Variants in EIF4G3 observed in about 807,000 individuals in gnomAD.
EIF4G3 encodes the protein eukaryotic translation initiation factor 4 gamma 3.
Under a neutral mutation model 186.4 loss-of-function variants are expected in EIF4G3, and 34 were observed. That is an observed-to-expected ratio of 0.18 (90% CI 0.14 to 0.24). EIF4G3 has a LOEUF of 0.24. EIF4G3 is among the 10% of genes least tolerant of loss of function. EIF4G3 has a pLI of 1.00. For missense variants in EIF4G3, 1,536 were observed against 1,948.5 expected (o/e 0.79, Z 3.99); for synonymous variants, 673 against 679.5 (o/e 0.99, Z 0.15).
chr1:20,831,797 T>C (rs1454029912), intron 30 of EIF4G3, among the ~76,000 whole-genome samples: 421 of 101,980 alleles, frequency 4.1e-3, no homozygotes, highest in Non-Finnish European at 4.4e-3. Context: ...TGTGATATTC[T>C]CCTTCCTGTG....
intron 29 of EIF4G3, chr1:20,841,377 C>T (rs769426876): frequency 3.7e-4 from 59 of 159,954 alleles, no homozygotes; most frequent in Non-Finnish European, 7.1e-4. Flanking sequence ...TTTTATTAAA[C>T]ATCACTCAAA....
At chr1:20,868,793 T>C (rs1296195575) in intron 20 of EIF4G3, among the ~76,000 whole-genome samples, 2 of 152,190 alleles carry the variant, frequency 1.3e-5, no homozygotes, top group South Asian at 2.1e-4. Context: ...GAAGGCTGCT[T>C]GATAAGCTGA....
chr1:20,896,012 G>T (rs1327804984), intron 16 of EIF4G3, among the ~76,000 whole-genome samples: 1 of 152,126 alleles, frequency 6.6e-6, no homozygotes, highest in Non-Finnish European at 1.5e-5. Context: ...AATGAGACAA[G>T]ATCTGGAAGT....
At chr1:21,004,182 A>G (rs997951978) in intron 4 of EIF4G3, among the ~76,000 whole-genome samples, 1 of 152,354 alleles carries the variant, frequency 6.6e-6, no homozygotes, top group East Asian at 1.9e-4. Context: ...CAAAGCTTAC[A>G]TACCTTAATC....
chr1:21,039,875 A>G (rs2093461843), intron 4 of EIF4G3, among the ~76,000 whole-genome samples: 2 of 152,256 alleles, frequency 1.3e-5, no homozygotes, highest in African/African-American at 4.8e-5. Flanking sequence ...TTCTCCAAAA[A>G]TAGACAAATG....
rs201498887 is a variant in EIF4G3 at position 20,959,521 on chromosome 1, C to T, written c.715-9410G>A. ...GACCCCAAAGCAAATGCAACAAAAA[C>T]GCAAATAAATAGAACCTAATTAAAC... On this transcript the variant is annotated intron_variant, in intron 12 of 36. Transcript: ENST00000602326. 7.2e-5 allele frequency among the ~76,000 whole-genome samples: 11 copies of T among 151,796 alleles called. No individual in the cohort carries two copies. In the East Asian group the frequency reaches 1.2e-3, roughly 16 times the overall value.
At position 20,927,046 on chromosome 1, in the gene EIF4G3, CT is replaced by C. The variant is rs757963098; in HGVS notation, c.1663+14444del. Among the ~76,000 whole-genome samples, 983 of 139,184 alleles carry C rather than the reference CT, an allele frequency of 7.1e-3. 6 individuals are homozygous for C. The highest frequency in any genetic ancestry group is 0.016 in the African/African-American group (627 of 38,234). The allele number at this position is 139,184 out of a possible 152,430, so 91.3% of individuals were successfully genotyped here. A position where few individuals can be genotyped will look rare whatever the true frequency, so the allele number is the denominator to read the frequency against. ...TCATATTGAAAAATTGAAAAAAATACTTTTTTTTTTTTTTTTTGAGGTGGAG... is the reference window on the plus strand; with the variant it reads ...TCATATTGAAAAATTGAAAAAAATACTTTTTTTTTTTTTTTTGAGGTGGAG... On this transcript the variant is annotated intron_variant, in intron 14 of 36. Coordinates refer to ENST00000602326, the MANE Select transcript of EIF4G3 (RefSeq NM_001391906.1).
intron 4 of EIF4G3, among the ~76,000 whole-genome samples, chr1:21,019,881 T>TCAAAACAAAA (rs898734115): frequency 6.6e-6 from 1 of 151,966 alleles, no homozygotes; most frequent in South Asian, 2.1e-4. Context: ...AGACGCCGTC[T>TCAAAACAAAA]CAAAACAAAA....
chr1:20,839,909 C>CAA (rs58331252), intron 30 of EIF4G3, among the ~76,000 whole-genome samples: 5,087 of 125,794 alleles, frequency 0.04, 267 homozygotes, highest in African/African-American at 0.12. Context: ...ATGAGCTTGG[C>CAA]AAAAAAAAAA....
intron 4 of EIF4G3, among the ~76,000 whole-genome samples, chr1:21,044,650 T>A (rs944778262): frequency 6.8e-6 from 1 of 146,444 alleles, no homozygotes; most frequent in Non-Finnish European, 1.5e-5. Flanking sequence ...TTTTTTTTTG[T>A]TTTTTTTTTT....
At chr1:21,047,436 C>T (rs1440392194) in intron 4 of EIF4G3, among the ~76,000 whole-genome samples, 2 of 152,224 alleles carry the variant, frequency 1.3e-5, no homozygotes, top group South Asian at 2.1e-4. Context: ...TTTGTTCACA[C>T]TGAAGTCTCA....
intron 33 of EIF4G3, among the ~76,000 whole-genome samples, chr1:20,820,364 C>T (rs1019936244): frequency 2.0e-5 from 3 of 152,198 alleles, no homozygotes; most frequent in Non-Finnish European, 4.4e-5. Flanking sequence ...AGCACCTGGG[C>T]GTCTCTGCAG....
At chr1:21,070,518 C>G (rs999837476) in intron 3 of EIF4G3, among the ~76,000 whole-genome samples, 4 of 152,170 alleles carry the variant, frequency 2.6e-5, no homozygotes, top group Non-Finnish European at 4.4e-5. Context: ...AACATACCTA[C>G]TTCATTCTTG....
chr1:20,830,844 C>T (rs1347308943), intron 30 of EIF4G3, among the ~76,000 whole-genome samples: 1 of 151,966 alleles, frequency 6.6e-6, no homozygotes, highest in Non-Finnish European at 1.5e-5. Context: ...TAGAACAAGC[C>T]TGTAAGAAGC....
In EIF4G3 at chr1:20,839,644, G is replaced by A. The variant is rs187829103; in HGVS notation, c.4061+1212C>T. On this transcript the variant is annotated intron_variant, in intron 30 of 36. Coordinates refer to ENST00000602326, the MANE Select transcript of EIF4G3 (RefSeq NM_001391906.1). The stretch of plus-strand genomic sequence containing the variant: ...CAAGTAGCTGGGATTGCAGGCTCAC[G>A]CCACCACGTTGGGCTAATTTTTGTA... Among the ~76,000 whole-genome samples the A allele has an allele frequency of 3.5e-4, 53 of 152,132 alleles. 1 individual carries two copies. In the Middle Eastern group the frequency reaches 0.01, roughly 29 times the overall value.
chr1:21,097,525 A>T (rs945206457), intron 2 of EIF4G3, among the ~76,000 whole-genome samples: 2 of 152,176 alleles, frequency 1.3e-5, no homozygotes, highest in Admixed American at 6.6e-5. Flanking sequence ...AACTTTGAAA[A>T]ACCAAAAGGA....
intron 22 of EIF4G3, 75 bp downstream of exon 22, chr1:20,864,401 T>C (rs1454093945): frequency 1.9e-6 from 2 of 1,053,560 alleles, no homozygotes; most frequent in African/African-American, 3.2e-5. Flanking sequence ...GATAGAACTA[T>C]TCTGTTGACA....
chr1:21,101,625 GA>G (rs1444925236), intron 2 of EIF4G3, among the ~76,000 whole-genome samples: 1 of 36,970 alleles, frequency 2.7e-5, no homozygotes, highest in African/African-American at 1.1e-4. Flanking sequence ...AACAAAGAAA[GA>G]AAGGAAGGAA....
At chr1:21,073,696 G>T in intron 3 of EIF4G3, 1 of 511,058 alleles carries the variant, frequency 2.0e-6, no homozygotes, top group South Asian at 1.4e-5. Context: ...CTATTACCAA[G>T]GGCTCATGAC....
Sources: gnomAD v4.1 joint callset for allele counts (sites outside exome capture counted in the v4.1 genomes callset) on GRCh38, gnomAD v4.1.1 for gene constraint, MANE v1.5 for transcripts, NCBI Gene and HGNC (gene_info 2026-07-23, HGNC 2026-07-21) for gene names.